The following GRIP1 variants were observed in gnomAD, a reference collection of about 807,000 sequenced individuals.
GRIP1 encodes the protein glutamate receptor-interacting protein 1.
A neutral mutation model predicts 129.9 loss-of-function variants in GRIP1; 45 were observed. That is an observed-to-expected ratio of 0.35 (90% CI 0.27 to 0.44). The LOEUF (loss-of-function observed/expected upper bound fraction) is 0.44. Among genes scored for constraint, GRIP1 ranks in the 20% least tolerant of loss-of-function variants. The probability of loss-of-function intolerance (pLI) is 1.00; values close to 1 mark genes in which losing one functional copy is unlikely to be tolerated. For synonymous variants in GRIP1, 530 were observed against 520.8 expected (o/e 1.02, Z -0.24); for missense variants, 1,196 against 1,396.8 (o/e 0.86, Z 2.29).
At chr12:66,949,918 G>A (rs867595532) in intron 1 of GRIP1, among the ~76,000 whole-genome samples, 6 of 151,786 alleles carry the variant, frequency 4.0e-5, no homozygotes, top group Middle Eastern at 3.4e-3. Flanking sequence ...ACAGGTGCCC[G>A]CCACCACGCC....
At chr12:67,017,663 T>C (rs1335626333) in intron 1 of GRIP1, among the ~76,000 whole-genome samples, 2 of 152,126 alleles carry the variant, frequency 1.3e-5, no homozygotes, top group Non-Finnish European at 2.9e-5. Flanking sequence ...GGAAGTAACA[T>C]GGTGTTGGCC....
chr12:66,632,108 A>AT (rs539965350), intron 1 of GRIP1, among the ~76,000 whole-genome samples: 55 of 152,280 alleles, frequency 3.6e-4, no homozygotes, highest in South Asian at 1.9e-3. Flanking sequence ...AGAAACTTGC[A>AT]TTATCAGCAA....
chr12:66,682,322 G>A (rs958227993), upstream of GRIP1, among the ~76,000 whole-genome samples: 1 of 152,152 alleles, frequency 6.6e-6, no homozygotes, highest in Non-Finnish European at 1.5e-5. Flanking sequence ...GTACCGTCTG[G>A]TGAAAGACCA....
intron 1 of GRIP1, among the ~76,000 whole-genome samples, chr12:66,960,984 A>G (rs982773300): frequency 1.3e-5 from 2 of 152,146 alleles, no homozygotes; most frequent in Non-Finnish European, 2.9e-5. Flanking sequence ...GAAATCTAGA[A>G]AAGTGATCAA....
intron 1 of GRIP1, among the ~76,000 whole-genome samples, chr12:67,030,346 C>T (rs1399591867): frequency 6.6e-6 from 1 of 151,896 alleles, no homozygotes; most frequent in East Asian, 1.9e-4. Flanking sequence ...AAGACATGCA[C>T]AGGAGGTAAA....
chr12:66,994,948 C>T (rs771364535), intron 1 of GRIP1, among the ~76,000 whole-genome samples: 30 of 151,856 alleles, frequency 2.0e-4, no homozygotes, highest in Non-Finnish European at 3.7e-4. Context: ...AAACATAATG[C>T]AAATCTACAA....
intron 1 of GRIP1, among the ~76,000 whole-genome samples, chr12:67,050,766 C>G (rs2043331881): frequency 6.6e-6 from 1 of 152,076 alleles, no homozygotes; most frequent in Admixed American, 6.5e-5. Flanking sequence ...GTCCTATAAC[C>G]AAATAAATGT....
intron 1 of GRIP1, among the ~76,000 whole-genome samples, chr12:66,827,821 CAT>C (rs2039445999): frequency 1.3e-5 from 2 of 152,166 alleles, no homozygotes; most frequent in Non-Finnish European, 2.9e-5. Context: ...ATTAGATAGA[CAT>C]GTGTCTATAA....
intron 7 of GRIP1, among the ~76,000 whole-genome samples, chr12:66,486,645 A>C (rs1308148115): frequency 6.6e-6 from 1 of 152,054 alleles, no homozygotes; most frequent in Non-Finnish European, 1.5e-5. Flanking sequence ...CTTGCCTTCC[A>C]CCATGATTGT....
At chr12:66,555,167 G>A (rs2062281608) in intron 2 of GRIP1, among the ~76,000 whole-genome samples, 1 of 152,208 alleles carries the variant, frequency 6.6e-6, no homozygotes, top group South Asian at 2.1e-4. Flanking sequence ...GGGTGCATGT[G>A]TCACTCCTTC....
chr12:66,516,515 T>C (rs1004733398), intron 6 of GRIP1, among the ~76,000 whole-genome samples: 13 of 152,176 alleles, frequency 8.5e-5, no homozygotes, highest in African/African-American at 3.1e-4. Flanking sequence ...ATGTTTCACC[T>C]AGTTCACTCT....
chr12:66,854,226 G>C (rs1184039826), intron 1 of GRIP1, among the ~76,000 whole-genome samples: 1 of 151,960 alleles, frequency 6.6e-6, no homozygotes, highest in African/African-American at 2.4e-5. Context: ...GGGTGAGGAG[G>C]AGACAGGGAA....
At chr12:66,845,550 T>G (rs2039798837) in intron 1 of GRIP1, among the ~76,000 whole-genome samples, 1 of 152,194 alleles carries the variant, frequency 6.6e-6, no homozygotes, top group Non-Finnish European at 1.5e-5. Flanking sequence ...ATTTAAATCA[T>G]TTTAAAGTTC....
intron 7 of GRIP1, among the ~76,000 whole-genome samples, chr12:66,500,566 G>C (rs552691820): frequency 6.6e-6 from 1 of 152,188 alleles, no homozygotes; most frequent in Non-Finnish European, 1.5e-5. Flanking sequence ...AGTCTTTAGA[G>C]ACAGAAAAGG....
upstream of GRIP1, among the ~76,000 whole-genome samples, chr12:66,681,617 A>G (rs139798171): frequency 3.3e-3 from 507 of 152,308 alleles, 4 homozygotes; most frequent in African/African-American, 0.011. Context: ...CTGTCTAGAC[A>G]GTTCAAACTT....
intron 1 of GRIP1, among the ~76,000 whole-genome samples, chr12:66,811,495 G>A (rs1030845768): frequency 6.8e-6 from 1 of 147,876 alleles, no homozygotes; most frequent in African/African-American, 2.5e-5. Flanking sequence ...AGGTAATTGT[G>A]AGACTTCACG....
Position 66,523,530 on chromosome 12 carries a change from C to T in GRIP1, c.503-5554G>A, listed in dbSNP as rs574025928. 2.0e-5 allele frequency among the ~76,000 whole-genome samples: 3 copies of T among 151,822 alleles called. No individual in the cohort carries two copies. The East Asian group carries it at 5.8e-4, about 29-fold the overall frequency. Reference sequence around the variant, plus strand: ...GCCCTAAAAGAACTCCTGAAGGAAGCACTAAACATGGAAAGGAACAACTGG... The same window carrying T: ...GCCCTAAAAGAACTCCTGAAGGAAGTACTAAACATGGAAAGGAACAACTGG... On this transcript the variant is annotated intron_variant, in intron 5 of 24. Transcript: ENST00000359742.
intron 16 of GRIP1, among the ~76,000 whole-genome samples, chr12:66,397,336 A>C (rs775719192): frequency 1.8e-4 from 28 of 151,884 alleles, no homozygotes; most frequent in Middle Eastern, 3.4e-3. Context: ...ACATGTCCAA[A>C]ACCCCGTCTC....
chr12:66,779,429 G>T (rs746967058), intron 1 of GRIP1, among the ~76,000 whole-genome samples: 2 of 152,130 alleles, frequency 1.3e-5, no homozygotes, highest in Non-Finnish European at 2.9e-5. Flanking sequence ...GCATTTTATG[G>T]GGTAGATTTT....
Sources: gnomAD v4.1 joint callset for allele counts (sites outside exome capture counted in the v4.1 genomes callset) on GRCh38, gnomAD v4.1.1 for gene constraint, MANE v1.5 for transcripts, NCBI Gene and HGNC (gene_info 2026-07-23, HGNC 2026-07-21) for gene names.